Variants in KCNK2 observed in about 807,000 individuals in gnomAD.
The protein encoded by KCNK2 is potassium channel subfamily K member 2.
KCNK2 carries 21 observed loss-of-function variants against 40.5 expected under a neutral mutation model. The ratio of observed to expected loss-of-function variants is 0.52; its 90% CI spans 0.37 to 0.75. The LOEUF is 0.75. Among genes scored for constraint, KCNK2 ranks in the 30% least tolerant of loss-of-function variants. The pLI is 0.00. For missense variants in KCNK2, 399 were observed against 531.6 expected (o/e 0.75, Z 2.45); for synonymous variants, 191 against 202.2 (o/e 0.94, Z 0.47).
At chr1:215,078,214 C>T (rs1363556761), upstream of KCNK2, among the ~76,000 whole-genome samples, 1 of 152,226 alleles carries the variant, frequency 6.6e-6, no homozygotes, top group Admixed American at 6.5e-5. Flanking sequence ...ATGTAGCCTG[C>T]AGGCCGCAGG....
At chr1:215,143,281 C>T (rs1662267987) in intron 3 of KCNK2, among the ~76,000 whole-genome samples, 1 of 152,064 alleles carries the variant, frequency 6.6e-6, no homozygotes, top group African/African-American at 2.4e-5. Context: ...GGAAGGCTGC[C>T]TGTTTCTATA....
chr1:215,117,155 A>G lies in KCNK2; in HGVS notation c.358-7478A>G, dbSNP rs553317828. On this transcript the variant is annotated intron_variant, in intron 2 of 6. Transcript: ENST00000444842. The stretch of plus-strand genomic sequence containing the variant: ...AAAATAAAACAAGTACCATGTCCAT[A>G]TAACTACAGAATTTCTGAAAAACTA... 9.9e-5 allele frequency among the ~76,000 whole-genome samples: 15 copies of G among 152,200 alleles called. No homozygotes were observed. In the South Asian group the frequency reaches 2.9e-3, roughly 29 times the overall value.
At chr1:215,055,061 CTT>C (rs1187616447) in intron 1 of KCNK2, among the ~76,000 whole-genome samples, 1 of 152,164 alleles carries the variant, frequency 6.6e-6, no homozygotes, top group African/African-American at 2.4e-5. Flanking sequence ...AATATCATAA[CTT>C]ATTATTAAAT....
intron 1 of KCNK2, among the ~76,000 whole-genome samples, chr1:215,058,487 A>G (rs1658245509): frequency 6.6e-6 from 1 of 152,192 alleles, no homozygotes; most frequent in Non-Finnish European, 1.5e-5. Context: ...CTTCCAAAGT[A>G]TGCGCTAAAC....
At chr1:215,067,673 G>A (rs1658604786) in intron 1 of KCNK2, among the ~76,000 whole-genome samples, 1 of 152,036 alleles carries the variant, frequency 6.6e-6, no homozygotes, top group South Asian at 2.1e-4. Context: ...AGACCAGTCT[G>A]GCCAACATGG....
At chr1:215,173,042 C>G (rs998381038) in intron 5 of KCNK2, among the ~76,000 whole-genome samples, 3 of 152,110 alleles carry the variant, frequency 2.0e-5, no homozygotes, top group African/African-American at 7.2e-5. Flanking sequence ...GTTTGTTACA[C>G]ATGTGCCATG....
Position 215,236,520 on chromosome 1 carries a change from G to A in KCNK2, c.*1375G>A. 1 of 150,414 alleles carries A rather than the reference G, an allele frequency of 6.6e-6. No individual in the cohort carries two copies. The highest frequency in any genetic ancestry group is 2.0e-4 in the East Asian group (1 of 5,102). The allele number at this position is 150,414 out of a possible 1,614,324, so 9.3% of individuals were successfully genotyped here. ...AATTTAAATTTTGAGAGTTTGCTGT[G>A]TTTTTTTTTCACATAAAAGAGGCTG... is the stretch of plus-strand genomic sequence containing the variant. On this transcript the variant is annotated 3_prime_UTR_variant, in exon 7 of 7. Transcript: ENST00000444842.
At chr1:215,088,939 C>T (rs1012758429) in intron 2 of KCNK2, among the ~76,000 whole-genome samples, 1 of 152,152 alleles carries the variant, frequency 6.6e-6, no homozygotes, top group Non-Finnish European at 1.5e-5. Context: ...TACTCTTACA[C>T]TGTTCACCTT....
chr1:215,165,516 C>G (rs1663403299), intron 3 of KCNK2, among the ~76,000 whole-genome samples: 1 of 152,096 alleles, frequency 6.6e-6, no homozygotes, highest in African/African-American at 2.4e-5. Context: ...CACTGATCCT[C>G]TAACCTTTGC....
At chr1:215,085,446 A>G (rs537531905) in intron 1 of KCNK2, among the ~76,000 whole-genome samples, 6 of 152,320 alleles carry the variant, frequency 3.9e-5, no homozygotes, top group African/African-American at 1.4e-4. Context: ...ATTTTTGAAC[A>G]GCTGTGATAA....
chr1:215,135,134 C>G (rs138847962), intron 3 of KCNK2, among the ~76,000 whole-genome samples: 12 of 152,204 alleles, frequency 7.9e-5, no homozygotes, highest in Admixed American at 7.8e-4. Flanking sequence ...TTGATGCAGA[C>G]TAGTTTTGCT....
chr1:215,192,591 A>G (rs991751793), intron 5 of KCNK2, among the ~76,000 whole-genome samples: 2 of 152,202 alleles, frequency 1.3e-5, no homozygotes, highest in African/African-American at 2.4e-5. Context: ...AGTACTTGGG[A>G]AAAAATGTCA....
chr1:215,094,812 A>G (rs967166253), intron 2 of KCNK2, among the ~76,000 whole-genome samples: 2 of 152,176 alleles, frequency 1.3e-5, no homozygotes, highest in African/African-American at 4.8e-5. Flanking sequence ...TCAATAAAAT[A>G]TCACTCAAAC....
Position 215,072,451 on chromosome 1 carries a change from T to C in KCNK2, c.35-13917T>C, listed in dbSNP as rs189570232. ...AACACATTTTATTTGCCATAAACAATGTTTATTTTTTAAAATTGCATTAGT... is the reference window on the plus strand; with the variant it reads ...AACACATTTTATTTGCCATAAACAACGTTTATTTTTTAAAATTGCATTAGT... On this transcript the variant is annotated intron_variant, in intron 1 of 6. Transcript: ENST00000391895. 3.7e-4 allele frequency among the ~76,000 whole-genome samples: 57 copies of C among 152,354 alleles called. 1 individual carries two copies. Among genetic ancestry groups the C allele is most frequent in the African/African-American group, 1.2e-3 (50 of 41,574 alleles).
intron 1 of KCNK2, among the ~76,000 whole-genome samples, chr1:215,047,501 C>T (rs909500900): frequency 6.6e-6 from 1 of 151,910 alleles, no homozygotes; most frequent in African/African-American, 2.4e-5. Context: ...ACCTAGATTT[C>T]TTTGATTTTT....
In KCNK2 at chr1:215,236,950, C is replaced by T. The variant is rs1477292486; in HGVS notation, c.*1805C>T. The T allele has an allele frequency of 6.6e-6, 1 of 152,318 alleles. No homozygotes were observed. The highest frequency in any genetic ancestry group is 1.9e-4 in the East Asian group (1 of 5,184). 9.4% of individuals were successfully genotyped at this position (152,318 alleles called of 1,614,324 possible). ...TTTATAAAGTTAAAAAAAATCCAAC[C>T]AAAATTTTAGAAAGTCAGGCTCTTT... On this transcript the variant is annotated 3_prime_UTR_variant, in exon 7 of 7. Transcript: ENST00000444842.
intron 2 of KCNK2, among the ~76,000 whole-genome samples, chr1:215,118,558 A>T (rs987056606): frequency 4.8e-5 from 6 of 125,396 alleles, no homozygotes; most frequent in African/African-American, 1.5e-4. Context: ...CCCGCAAAGA[A>T]ATGGTCGCAA....
intron 6 of KCNK2, among the ~76,000 whole-genome samples, chr1:215,232,592 T>C (rs1381014878): frequency 6.6e-6 from 1 of 152,226 alleles, no homozygotes; most frequent in African/African-American, 2.4e-5. Context: ...GCTGAGGATG[T>C]ATATGGAGCT....
At chr1:215,146,762 C>T (rs1304540098) in intron 3 of KCNK2, among the ~76,000 whole-genome samples, 3 of 152,188 alleles carry the variant, frequency 2.0e-5, no homozygotes, top group African/African-American at 7.2e-5. Context: ...TAGTTTAAAT[C>T]TCAGCTTTAA....
Sources: allele counts gnomAD v4.1 joint callset (sites outside exome capture counted in the v4.1 genomes callset), GRCh38; gene constraint gnomAD v4.1.1; transcripts MANE v1.5; gene names NCBI Gene and HGNC (gene_info 2026-07-23, HGNC 2026-07-21).